The following TRIOBP variants were observed in gnomAD, a reference collection of about 807,000 sequenced individuals.
TRIOBP encodes TRIO and F-actin binding protein.
TRIOBP carries 169 observed loss-of-function variants against 238.8 expected under a neutral mutation model. That is an observed-to-expected ratio of 0.71 (90% CI 0.62 to 0.80). The LOEUF (loss-of-function observed/expected upper bound fraction) is 0.80. Ranked by LOEUF, TRIOBP falls within the 30% of genes least tolerant of loss-of-function variation. The pLI, the probability that TRIOBP is intolerant of heterozygous loss-of-function variation, is 0.00. For missense variants in TRIOBP, 2,838 were observed against 3,122.6 expected (o/e 0.91, Z 2.17); for synonymous variants, 1,150 against 1,274.4 (o/e 0.90, Z 2.08).
rs1925632483 is a variant in TRIOBP at position 37,751,951 on chromosome 22, G to A, written c.5379+123G>A. 32 of 834,556 alleles carry A rather than the reference G, an allele frequency of 3.8e-5. No homozygotes were observed. In the South Asian group the frequency reaches 4.6e-4, roughly 12 times the overall value. 51.7% of individuals were successfully genotyped at this position (834,556 alleles called of 1,614,324 possible). A position where few individuals can be genotyped will look rare whatever the true frequency, so the allele number is the denominator to read the frequency against. ...AACCCTGGGGGTGGGGCTGGGAGGG[G>A]TGGAGGCTGCCCATTAGGCTTCTGC... On this transcript the variant is annotated intron_variant, in intron 12 of 23. Transcript: ENST00000644935.
At chr22:37,713,142 A>T (rs1456808326) in intron 4 of TRIOBP, 68 bp from the exon 5 acceptor site, 1 of 1,421,278 alleles carries the variant, frequency 7.0e-7, no homozygotes, top group African/African-American at 1.4e-5. Flanking sequence ...GAGTGAGTGC[A>T]TATGCCTGGG....
chr22:37,754,266 C>T (rs1483448667), intron 12 of TRIOBP, among the ~76,000 whole-genome samples: 1 of 152,066 alleles, frequency 6.6e-6, no homozygotes, highest in Non-Finnish European at 1.5e-5. Context: ...AAGAAATTAG[C>T]TGAGCATGAT....
chr22:37,747,699 GCC>G (rs965705071), intron 11 of TRIOBP, among the ~76,000 whole-genome samples: 1 of 152,258 alleles, frequency 6.6e-6, no homozygotes, highest in Non-Finnish European at 1.5e-5. Context: ...TGCCTGCCCG[GCC>G]CTCAGCCGGG....
At chr22:37,771,592 A>G (rs777028769) in intron 21 of TRIOBP, 58 bp from the exon 22 acceptor site, 3 of 1,510,534 alleles carry the variant, frequency 2.0e-6, no homozygotes, top group South Asian at 1.1e-5. Flanking sequence ...GCAGGGCACT[A>G]TGGGCCAGGG....
At chr22:37,718,106 G>A (rs1187589774) in intron 6 of TRIOBP, among the ~76,000 whole-genome samples, 1 of 152,162 alleles carries the variant, frequency 6.6e-6, no homozygotes, top group Non-Finnish European at 1.5e-5. Flanking sequence ...CATTGCCCGG[G>A]GCCGGCAGGG....
At chr22:37,747,697 C>T (rs1017511223) in intron 11 of TRIOBP, among the ~76,000 whole-genome samples, 5 of 152,206 alleles carry the variant, frequency 3.3e-5, no homozygotes, top group African/African-American at 9.7e-5. Flanking sequence ...GGTGCCTGCC[C>T]GGCCCTCAGC....
rs1412006502 is a variant in TRIOBP at position 37,772,855 on chromosome 22, TC to T, written c.*2+93del. On this transcript the variant is annotated intron_variant, in intron 23 of 23. Transcript: ENST00000644935. ...CCTGGACCACCCCAGCCAGGCCACT[TC>T]CTTCTTCTGGCCTCCAATTCCCGTT... The T allele has an allele frequency of 2.3e-5, 34 of 1,491,268 alleles. No individual in the cohort carries two copies. In the Admixed American group the frequency reaches 3.1e-4, roughly 14 times the overall value. The allele number at this position is 1,491,268 out of a possible 1,614,324, so 92.4% of individuals were successfully genotyped here. A position where few individuals can be genotyped will look rare whatever the true frequency, so the allele number is the denominator to read the frequency against.
intron 14 of TRIOBP, 24 bp downstream of exon 14, chr22:37,755,214 GC>G: frequency 6.2e-7 from 1 of 1,602,674 alleles, no homozygotes; most frequent in Non-Finnish European, 8.5e-7. Context: ...CAGCTTGGGG[GC>G]TGGTGGTGGG....
In TRIOBP at chr22:37,724,602, C is replaced by T. The variant is rs750678200; in HGVS notation, c.2046C>T (p.Pro682=). ...CATCCTGTGCCCTACGGGACAATCC[C>T]AGAGCCTCCTCTCCCAGCAGAACCA... ...PRTSCALRDN[P]RASSPSRTIQ... is the part of the protein sequence containing the mutation. Residue 682 remains proline (P), a synonymous_variant, in exon 7 of 24, where the codon CCC becomes CCT. Coordinates refer to ENST00000644935, the MANE Select transcript of TRIOBP (RefSeq NM_001039141.3). The T allele has an allele frequency of 6.2e-7, 1 of 1,611,906 alleles. No homozygotes were observed. The highest frequency in any genetic ancestry group is 1.7e-5 in the Admixed American group (1 of 59,736).
chr22:37,743,829 G>C (rs1422438639), intron 11 of TRIOBP, among the ~76,000 whole-genome samples: 1 of 126,974 alleles, frequency 7.9e-6, no homozygotes, highest in African/African-American at 3.3e-5. Context: ...GTGTGTGTGT[G>C]TGTGTGTGTG....
intron 7 of TRIOBP, 143 bp downstream of exon 7, chr22:37,726,646 C>T (rs913005866): frequency 7.1e-6 from 6 of 843,614 alleles, no homozygotes; most frequent in Non-Finnish European, 8.5e-6. Context: ...GCAAATCGCT[C>T]CATTTCTCTG....
chr22:37,726,260 G>A lies in TRIOBP; in HGVS notation c.3704G>A (p.Ser1235Asn). The A allele has an allele frequency of 6.2e-7, 1 of 1,610,606 alleles. No homozygotes were observed. Among genetic ancestry groups the A allele is most frequent in the Non-Finnish European group, 8.5e-7 (1 of 1,178,406 alleles). Residue 1235 changes from serine to asparagine, a missense_variant, in exon 7 of 24, where the codon AGT becomes AAT. Physicochemically the swap from Ser to Asn is conservative, Grantham distance 46. Around this residue, in one of 5 missense-constraint regions of TRIOBP, gnomAD observed 2,096 missense variants for 2,137.4 expected, o/e 0.98. Transcript: ENST00000644935. ...TCCTCCCCACCCCGCCACCCACCCA[G>A]TGACCTAGCGTTCCTGGCACCCTCA... The part of the protein sequence containing the change: ...RASSPPRHPP[S>N]DLAFLAPSPS...
At chr22:37,753,732 C>T (rs1053868116) in intron 12 of TRIOBP, among the ~76,000 whole-genome samples, 4 of 152,326 alleles carry the variant, frequency 2.6e-5, no homozygotes, top group African/African-American at 9.6e-5. Context: ...CAGAAGGTAT[C>T]GTCGTTGCAT....
intron 11 of TRIOBP, chr22:37,750,723 A>G (rs1394443126): frequency 1.3e-5 from 6 of 470,936 alleles, no homozygotes; most frequent in Non-Finnish European, 2.6e-5. Context: ...CAGCTGTCCC[A>G]AGCCCCGGTT....
chr22:37,698,463 C>T (rs1469500583), intron 2 of TRIOBP, among the ~76,000 whole-genome samples: 2 of 141,152 alleles, frequency 1.4e-5, no homozygotes, highest in East Asian at 2.4e-4. Context: ...AAGCAATTCT[C>T]TTGCCCCAGC....
intron 17 of TRIOBP, 173 bp downstream of exon 17, chr22:37,759,437 G>A: frequency 2.9e-6 from 4 of 1,399,430 alleles, no homozygotes; most frequent in Non-Finnish European, 4.1e-6. Flanking sequence ...TGATCACTGT[G>A]CCCGTTTTAC....
chr22:37,770,323 G>C (rs1362136311), intron 21 of TRIOBP, among the ~76,000 whole-genome samples: 1 of 150,700 alleles, frequency 6.6e-6, no homozygotes, highest in Non-Finnish European at 1.5e-5. Flanking sequence ...GGTGGCGGGT[G>C]CCTGTAGTCC....
At chr22:37,773,416 G>A (rs1601673658) in intron 23 of TRIOBP, among the ~76,000 whole-genome samples, 2 of 151,972 alleles carry the variant, frequency 1.3e-5, no homozygotes, top group Non-Finnish European at 2.9e-5. Context: ...GTGGGGTTTC[G>A]CCGTGATTTC....
intron 2 of TRIOBP, among the ~76,000 whole-genome samples, chr22:37,698,525 A>G (rs1922476073): frequency 6.6e-6 from 1 of 151,222 alleles, no homozygotes; most frequent in Non-Finnish European, 1.5e-5. Flanking sequence ...GCTAATTTTT[A>G]TAGTTTTAGT....
Sources: gnomAD v4.1 joint callset for allele counts (sites outside exome capture counted in the v4.1 genomes callset) on GRCh38, gnomAD v4.1.1 for gene constraint, gnomAD v4.1.1 regional missense constraint, MANE v1.5 for transcripts, NCBI Gene and HGNC (gene_info 2026-07-23, HGNC 2026-07-21) for gene names.